Variants in PLXNA4 observed in about 807,000 individuals in gnomAD.
PLXNA4 encodes plexin A4.
PLXNA4 carries 44 observed loss-of-function variants against 191.8 expected under a neutral mutation model. The ratio of observed to expected loss-of-function variants is 0.23; its 90% CI spans 0.18 to 0.29. PLXNA4 has a LOEUF of 0.29. PLXNA4 is among the 10% of genes least tolerant of loss of function. The probability of loss-of-function intolerance (pLI) is 1.00; values close to 1 mark genes in which losing one functional copy is unlikely to be tolerated. For synonymous variants in PLXNA4, 1,082 were observed against 1,009.5 expected, an observed-to-expected ratio of 1.07 and a Z score of -1.36; for missense variants, 1,800 against 2,488.8, an observed-to-expected ratio of 0.72 and a Z score of 5.89.
At position 132,145,249 on chromosome 7, in the gene PLXNA4, T is replaced by C; in HGVS notation, c.5095A>G (p.Ile1699Val). ...GAGCCACGGTGTGCCGTGCTGAAGA[T>C]GGTCTCAAAGAGGTCATCCACAAAC... ...QKFVDDLFETIFSTAHRGSAL... is the reference protein window; with the variant it reads ...QKFVDDLFETVFSTAHRGSAL... The change falls in exon 29 of 32, where the codon ATC (isoleucine) becomes GTC (valine). Residue 1699 changes from isoleucine (I) to valine (V), a missense_variant. Transcript: ENST00000321063. 6.2e-7 allele frequency: 1 copy of C among 1,614,192 alleles called. No individual in the cohort carries two copies. The highest frequency in any genetic ancestry group is 8.5e-7 in the Non-Finnish European group (1 of 1,180,024).
At chr7:132,165,266 T>C in intron 22 of PLXNA4, 66 bp from the exon 23 acceptor site, 1 of 1,569,914 alleles carries the variant, frequency 6.4e-7, no homozygotes, top group East Asian at 2.3e-5. Flanking sequence ...TCAGAGCCCG[T>C]GGGCTGGGAA....
At chr7:132,333,684 G>C (rs987774748) in intron 3 of PLXNA4, among the ~76,000 whole-genome samples, 3 of 152,202 alleles carry the variant, frequency 2.0e-5, no homozygotes, top group Admixed American at 6.5e-5. Context: ...GAGAGGCAAG[G>C]CTTGGGGCAC....
chr7:132,622,627 C>A (rs1437482593), intron 2 of PLXNA4, among the ~76,000 whole-genome samples: 1 of 152,124 alleles, frequency 6.6e-6, no homozygotes, highest in Non-Finnish European at 1.5e-5. Flanking sequence ...CCACTGTGAC[C>A]TAAGAACTAC....
chr7:132,453,080 C>T (rs927816591), intron 3 of PLXNA4, among the ~76,000 whole-genome samples: 1 of 151,966 alleles, frequency 6.6e-6, no homozygotes, highest in African/African-American at 2.4e-5. Flanking sequence ...TATGTAGAGG[C>T]CCCAAAATGA....
intron 22 of PLXNA4, among the ~76,000 whole-genome samples, chr7:132,167,198 T>TCAAA (rs1796148183): frequency 6.6e-6 from 1 of 152,132 alleles, no homozygotes; most frequent in African/African-American, 2.4e-5. Flanking sequence ...CACAAAAAGT[T>TCAAA]CAAACAGAAG....
chr7:132,432,189 A>G (rs75669174), intron 3 of PLXNA4, among the ~76,000 whole-genome samples: 135 of 152,238 alleles, frequency 8.9e-4, no homozygotes, highest in African/African-American at 3.2e-3. Context: ...GGGTACCAGA[A>G]CTGGTGACGG....
chr7:132,494,510 T>A (rs1328223590), intron 2 of PLXNA4, among the ~76,000 whole-genome samples: 1 of 152,044 alleles, frequency 6.6e-6, no homozygotes, highest in Non-Finnish European at 1.5e-5. Context: ...GCATCCCGAC[T>A]CGGGAGCAGG....
rs1341693881 is a variant in PLXNA4 at position 132,123,590 on chromosome 7, A to G, written c.*6889T>C. On this transcript the variant is annotated 3_prime_UTR_variant, in exon 32 of 32. Transcript: ENST00000321063. ...ATACTCTTCTTTAAAAATCAAAACC[A>G]GAAGACCCTCTTCTTAGAGATCTCA... 6.6e-6 allele frequency: 1 copy of G among 152,158 alleles called. No individual in the cohort carries two copies. The highest frequency in any genetic ancestry group is 2.4e-5 in the African/African-American group (1 of 41,438). The allele number at this position is 152,158 out of a possible 1,614,324, so 9.4% of individuals were successfully genotyped here.
chr7:132,147,908 C>G lies in PLXNA4; in HGVS notation c.4856G>C (p.Ser1619Thr). 6.2e-7 allele frequency: 1 copy of G among 1,614,106 alleles called. No homozygotes were observed. The highest frequency in any genetic ancestry group is 8.5e-7 in the Non-Finnish European group (1 of 1,180,020). Reference sequence around the variant, plus strand: ...ACTCGGTGGGATCTTACCATATTTACTTGCTGAGGTCCTGGAGACGGTGGA... The same window carrying G: ...ACTCGGTGGGATCTTACCATATTTAGTTGCTGAGGTCCTGGAGACGGTGGA... ...NNSTVSRTSASKYENMIRYTG... is the reference protein window; with the variant it reads ...NNSTVSRTSATKYENMIRYTG... The change falls in exon 27 of 32, where the codon AGT (serine) becomes ACT (threonine). Residue 1619 changes from serine to threonine, a missense_variant. Around this residue, in one of 6 missense-constraint regions of PLXNA4, gnomAD observed 214 missense variants for 298.2 expected, o/e 0.72. Transcript: ENST00000321063.
rs535645768 is a variant in PLXNA4, at chr7:132,260,452, A to C, written c.1504-19286T>G. 2.0e-5 allele frequency among the ~76,000 whole-genome samples: 3 copies of C among 152,338 alleles called. No homozygotes were observed. In the South Asian group the frequency reaches 6.2e-4, roughly 32 times the overall value. The stretch of plus-strand genomic sequence containing the variant: ...GTTCCCACTAATAGGTGAGAACTAA[A>C]CAGTGAGTACACATGGGAACATAAA... On this transcript the variant is annotated intron_variant, in intron 4 of 31. Coordinates refer to ENST00000321063, the MANE Select transcript of PLXNA4 (RefSeq NM_020911.2).
chr7:132,572,287 A>G (rs1802013510), intron 1 of PLXNA4, among the ~76,000 whole-genome samples: 1 of 151,928 alleles, frequency 6.6e-6, no homozygotes. Flanking sequence ...GTAATAGCCT[A>G]TCTGGGTTGT....
intron 3 of PLXNA4, among the ~76,000 whole-genome samples, chr7:132,385,707 TGCATGCGCGCACACACAC>T: frequency 6.6e-6 from 1 of 152,298 alleles, no homozygotes; most frequent in Admixed American, 6.5e-5. Context: ...AGCATGCAAG[TGCATGCGCGCACACACAC>T]GCGTGCGCAT....
At chr7:132,435,166 T>C (rs1795422073) in intron 3 of PLXNA4, among the ~76,000 whole-genome samples, 1 of 152,122 alleles carries the variant, frequency 6.6e-6, no homozygotes, top group Non-Finnish European at 1.5e-5. Context: ...CACGTCCTCA[T>C]TTAGAATGGT....
intron 3 of PLXNA4, among the ~76,000 whole-genome samples, chr7:132,425,253 A>G (rs547204867): frequency 1.3e-5 from 2 of 152,200 alleles, no homozygotes; most frequent in African/African-American, 4.8e-5. Flanking sequence ...TTAAATTACC[A>G]TTGGAGAAAT....
rs931325925 is a variant in PLXNA4, at chr7:132,124,827, C to T, written c.*5652G>A. 13 of 152,346 alleles carry T rather than the reference C, an allele frequency of 8.5e-5. No individual in the cohort carries two copies. The highest frequency in any genetic ancestry group is 3.4e-3 in the Middle Eastern group (1 of 294). The allele number at this position is 152,346 out of a possible 1,614,324, so 9.4% of individuals were successfully genotyped here. ...AATCACCTCACTACCTCTGCCAATACAAACAGAAAGTTCTTTTTGTATATG... is the reference window on the plus strand; with the variant it reads ...AATCACCTCACTACCTCTGCCAATATAAACAGAAAGTTCTTTTTGTATATG... On this transcript the variant is annotated 3_prime_UTR_variant, in exon 32 of 32. Coordinates refer to ENST00000321063, the MANE Select transcript of PLXNA4 (RefSeq NM_020911.2).
intron 3 of PLXNA4, among the ~76,000 whole-genome samples, chr7:132,342,356 T>C (rs1803063042): frequency 6.6e-6 from 1 of 151,550 alleles, no homozygotes; most frequent in Non-Finnish European, 1.5e-5. Context: ...AAAGGTTCTG[T>C]GAATATAATG....
At chr7:132,561,091 G>A (rs952446505) in intron 1 of PLXNA4, among the ~76,000 whole-genome samples, 2 of 151,930 alleles carry the variant, frequency 1.3e-5, no homozygotes, top group Non-Finnish European at 2.9e-5. Flanking sequence ...CACTGGTCCT[G>A]GTGCAGCCTC....
At chr7:132,308,609 C>T (rs1040590387) in intron 3 of PLXNA4, among the ~76,000 whole-genome samples, 20 of 152,256 alleles carry the variant, frequency 1.3e-4, no homozygotes, top group African/African-American at 4.8e-4. Context: ...GGGCAAACAG[C>T]GTGACTCCCA....
At position 132,127,840 on chromosome 7, in the gene PLXNA4, T is replaced by TAAC. The variant is rs1554446005; in HGVS notation, c.*2636_*2638dup. ...TCTGAGGTGTTTGAAATTTTTCTTA[T>TAAC]AACAAAAACATGGAATAAAATAAAG... is the stretch of plus-strand genomic sequence containing the variant. On this transcript the variant is annotated 3_prime_UTR_variant, in exon 32 of 32. Coordinates refer to ENST00000321063, the MANE Select transcript of PLXNA4 (RefSeq NM_020911.2). 3 of 148,806 alleles carry TAAC rather than the reference T, an allele frequency of 2.0e-5. No individual in the cohort carries two copies. The highest frequency in any genetic ancestry group is 2.2e-4 in the South Asian group (1 of 4,628). The allele number at this position is 148,806 out of a possible 1,614,324, so 9.2% of individuals were successfully genotyped here. A position where few individuals can be genotyped will look rare whatever the true frequency, so the allele number is the denominator to read the frequency against.
Sources: allele counts gnomAD v4.1 joint callset (sites outside exome capture counted in the v4.1 genomes callset), GRCh38; gene constraint gnomAD v4.1.1; regional missense constraint gnomAD v4.1.1; transcripts MANE v1.5; gene names NCBI Gene and HGNC (gene_info 2026-07-23, HGNC 2026-07-21).